ZBTB46: variants seen among roughly 807,000 people sequenced by gnomAD.
ZBTB46 encodes zinc finger and BTB domain containing 46.
Under a neutral mutation model 44.1 loss-of-function variants are expected in ZBTB46, and 8 were observed. The ratio of observed to expected loss-of-function variants is 0.18; its 90% confidence interval spans 0.11 to 0.33. The LOEUF (loss-of-function observed/expected upper bound fraction) is 0.33. Ranked by LOEUF, ZBTB46 falls within the 10% of genes least tolerant of loss-of-function variation. The pLI is 1.00. For missense variants in ZBTB46, 651 were observed against 847.7 expected, an observed-to-expected ratio of 0.77 and a Z score of 2.88; for synonymous variants, 409 against 382.3, an observed-to-expected ratio of 1.07 and a Z score of -0.81.
At chr20:63,760,178 G>A (rs1006096994) in intron 3 of ZBTB46, among the ~76,000 whole-genome samples, 6 of 152,202 alleles carry the variant, frequency 3.9e-5, no homozygotes, top group Non-Finnish European at 7.3e-5. Context: ...TGGAAGATAT[G>A]TCTAACGTTG....
intron 4 of ZBTB46, among the ~76,000 whole-genome samples, chr20:63,748,132 C>G (rs1171387955): frequency 1.3e-5 from 2 of 152,274 alleles, no homozygotes; most frequent in Non-Finnish European, 2.9e-5. Context: ...GCAACTCCCC[C>G]ACTCTCAGGC....
At position 63,774,514 on chromosome 20, in the gene ZBTB46, G is replaced by A. The variant is rs79054313; in HGVS notation, c.1222+1164C>T. Reference sequence around the variant, plus strand: ...CTGGACCCCAGCCGCGGAGGTGGGGGCATCTCATGCCGGACTCGCTCCCTC... The same window carrying A: ...CTGGACCCCAGCCGCGGAGGTGGGGACATCTCATGCCGGACTCGCTCCCTC... On this transcript the variant is annotated intron_variant, in intron 3 of 4. Transcript: ENST00000245663. Among the ~76,000 whole-genome samples, 966 of 152,122 alleles carry A rather than the reference G, an allele frequency of 6.4e-3. 3 individuals carry two copies. The highest frequency in any genetic ancestry group is 0.037 in the Middle Eastern group (11 of 294).
In ZBTB46 at chr20:63,803,587, G is replaced by A. The variant is rs1365030002; in HGVS notation, c.-33-12797C>T. On this transcript the variant is annotated intron_variant, in intron 1 of 4. Coordinates refer to ENST00000245663, the MANE Select transcript of ZBTB46 (RefSeq NM_001369741.1). The surrounding 1 kb of genome is among the most constrained non-coding windows in gnomAD (Gnocchi z 4.0). ...CAGGCCCCGGGCTGCCCAGGTCTCT[G>A]TCGGAGGCCCTGCCAGCCCCGCCCC... 1 of 948,452 alleles carries A rather than the reference G, an allele frequency of 1.1e-6. No homozygotes were observed. The highest frequency in any genetic ancestry group is 1.3e-6 in the Non-Finnish European group (1 of 796,486). The allele number at this position is 948,452 out of a possible 1,614,324, so 58.8% of individuals were successfully genotyped here.
At chr20:63,812,829 C>T (rs894593862) in intron 1 of ZBTB46, among the ~76,000 whole-genome samples, 8 of 151,838 alleles carry the variant, frequency 5.3e-5, no homozygotes. Context: ...GGCGTGGTGG[C>T]TAATGCCTGT....
chr20:63,806,420 A>G (rs563892197), intron 1 of ZBTB46, among the ~76,000 whole-genome samples: 35 of 145,500 alleles, frequency 2.4e-4, no homozygotes, highest in African/African-American at 3.4e-4. Context: ...AAAAAAAAAA[A>G]AAAGAAAGAA....
intron 1 of ZBTB46, among the ~76,000 whole-genome samples, chr20:63,814,471 G>A (rs4809357): frequency 0.18 from 27,073 of 152,168 alleles, 2,909 homozygotes; most frequent in East Asian, 0.45. Context: ...CAATCCAGCG[G>A]TGCAAATGCG....
intron 2 of ZBTB46, among the ~76,000 whole-genome samples, chr20:63,784,213 G>A (rs887037719): frequency 6.6e-6 from 1 of 152,212 alleles, no homozygotes; most frequent in African/African-American, 2.4e-5. Flanking sequence ...GTCAGCACAA[G>A]GGAGAGAAAC....
intron 2 of ZBTB46, among the ~76,000 whole-genome samples, chr20:63,789,055 G>A (rs2092538730): frequency 6.6e-6 from 1 of 150,992 alleles, no homozygotes; most frequent in African/African-American, 2.4e-5. Context: ...GACCTCAGGT[G>A]ATCCACCCAC....
At chr20:63,822,055 C>CT (rs2092795196) in intron 1 of ZBTB46, among the ~76,000 whole-genome samples, 1 of 152,294 alleles carries the variant, frequency 6.6e-6, no homozygotes, top group East Asian at 1.9e-4. Context: ...ATCTAAGAAG[C>CT]TTTTTGCGGG....
chr20:63,820,506 G>A (rs1406965678), intron 1 of ZBTB46, among the ~76,000 whole-genome samples: 2 of 150,942 alleles, frequency 1.3e-5, no homozygotes, highest in Non-Finnish European at 2.9e-5. Context: ...GTGCAATCTC[G>A]GCTCACACAA....
chr20:63,756,621 T>C (rs551687315), intron 3 of ZBTB46, among the ~76,000 whole-genome samples: 1 of 152,398 alleles, frequency 6.6e-6, no homozygotes, highest in African/African-American at 2.4e-5. Flanking sequence ...CAATGAACTT[T>C]ATCTACATAC....
At chr20:63,806,754 G>A (rs558787862) in intron 1 of ZBTB46, among the ~76,000 whole-genome samples, 2 of 150,804 alleles carry the variant, frequency 1.3e-5, no homozygotes, top group South Asian at 2.1e-4. Flanking sequence ...GACTACAGGC[G>A]CCCACCACCA....
chr20:63,811,385 C>T (rs537131330), intron 1 of ZBTB46, among the ~76,000 whole-genome samples: 3 of 152,340 alleles, frequency 2.0e-5, no homozygotes, highest in Non-Finnish European at 2.9e-5. Context: ...ACCTCTCATA[C>T]AGAAGACACT....
intron 3 of ZBTB46, among the ~76,000 whole-genome samples, chr20:63,765,875 G>T (rs1319923069): frequency 6.6e-6 from 1 of 152,088 alleles, no homozygotes; most frequent in Non-Finnish European, 1.5e-5. Context: ...AGGTTCTATG[G>T]CACATGTCTA....
chr20:63,748,960 G>A (rs2092132241), intron 4 of ZBTB46, among the ~76,000 whole-genome samples: 1 of 152,252 alleles, frequency 6.6e-6, no homozygotes, highest in African/African-American at 2.4e-5. Flanking sequence ...TCCTGGGGCT[G>A]GACCCGGGCC....
chr20:63,747,171 G>T lies in ZBTB46; in HGVS notation c.1529C>A (p.Ala510Asp). 1 of 1,609,378 alleles carries T rather than the reference G, an allele frequency of 6.2e-7. No individual in the cohort carries two copies. Among genetic ancestry groups the T allele is most frequent in the Non-Finnish European group, 8.5e-7 (1 of 1,178,476 alleles). ...TCCGCCGCCATGGTCCAGGGGCCCG[G>T]CCATGCCGCGGCCAGCACAGTCGGT... ...VCTDCAGRGM[A>D]GPLDHGGGGG... The change falls in exon 5 of 5, where the codon GCC (alanine) becomes GAC (aspartate). Residue 510 changes from alanine (A) to aspartate (D), a missense_variant. Ala to Asp is a moderately radical substitution (Grantham distance 126). Coordinates refer to ENST00000245663, the MANE Select transcript of ZBTB46 (RefSeq NM_001369741.1).
upstream of ZBTB46, among the ~76,000 whole-genome samples, chr20:63,832,657 C>A (rs560704770): frequency 6.6e-6 from 1 of 152,242 alleles, no homozygotes; most frequent in African/African-American, 2.4e-5. This position sits in a 1 kb window ranked among gnomAD's most constrained non-coding sequence, Gnocchi z 5.0. Flanking sequence ...CACCCCGTTC[C>A]CATCCCCTCG....
intron 1 of ZBTB46, among the ~76,000 whole-genome samples, chr20:63,818,531 G>C (rs1301733060): frequency 6.6e-6 from 1 of 152,136 alleles, no homozygotes; most frequent in Non-Finnish European, 1.5e-5. Flanking sequence ...CATCTCTCCT[G>C]ATAGTTATGT....
Position 63,754,187 on chromosome 20 carries a change from C to T in ZBTB46, c.1223-1326G>A, listed in dbSNP as rs567092054. Among the ~76,000 whole-genome samples the T allele has an allele frequency of 3.3e-5, 5 of 152,336 alleles. No individual in the cohort carries two copies. In the East Asian group the frequency reaches 7.7e-4, roughly 24 times the overall value. On this transcript the variant is annotated intron_variant, in intron 3 of 4. Coordinates refer to ENST00000245663, the MANE Select transcript of ZBTB46 (RefSeq NM_001369741.1). Reference sequence around the variant, plus strand: ...CTGGCTGTGTTCGGACGCATGTCCCCGCCGCACATCCCCCGAGTGGCTCCT... The same window carrying T: ...CTGGCTGTGTTCGGACGCATGTCCCTGCCGCACATCCCCCGAGTGGCTCCT...
Sources: allele counts gnomAD v4.1 joint callset (sites outside exome capture counted in the v4.1 genomes callset), GRCh38; gene constraint gnomAD v4.1.1; non-coding constraint Gnocchi (gnomAD v3.1); transcripts MANE v1.5; gene names NCBI Gene and HGNC (gene_info 2026-07-23, HGNC 2026-07-21).